The following CNTNAP2 variants were observed in gnomAD, a reference collection of about 807,000 sequenced individuals.
CNTNAP2 encodes the protein contactin-associated protein-like 2.
CNTNAP2 carries 98 observed loss-of-function variants against 155.2 expected under a neutral mutation model. That is an observed-to-expected ratio of 0.63 (90% CI 0.54 to 0.75). The LOEUF is 0.75. Among genes scored for constraint, CNTNAP2 ranks in the 30% least tolerant of loss-of-function variants. The pLI, the probability that CNTNAP2 is intolerant of heterozygous loss-of-function variation, is 0.00. For missense variants in CNTNAP2, 1,727 were observed against 1,688.1 expected (o/e 1.02, Z -0.40); for synonymous variants, 651 against 631.2 (o/e 1.03, Z -0.47).
intron 1 of CNTNAP2, among the ~76,000 whole-genome samples, chr7:146,327,444 C>A (rs991332691): frequency 6.6e-6 from 1 of 152,176 alleles, no homozygotes; most frequent in Non-Finnish European, 1.5e-5. Flanking sequence ...TTGATAAACA[C>A]AAATTCTCTT....
At chr7:146,152,483 T>G (rs1325913804) in intron 1 of CNTNAP2, among the ~76,000 whole-genome samples, 3 of 152,034 alleles carry the variant, frequency 2.0e-5, no homozygotes, top group Admixed American at 2.0e-4. Context: ...AACAATATAT[T>G]GCATTCTTGA....
intron 8 of CNTNAP2, among the ~76,000 whole-genome samples, chr7:147,221,805 A>C (rs1213067151): frequency 1.3e-5 from 2 of 152,158 alleles, no homozygotes; most frequent in Non-Finnish European, 2.9e-5. Flanking sequence ...TTCTTTGGCC[A>C]GACAAAGTCT....
chr7:146,321,089 C>T (rs1217201948), intron 1 of CNTNAP2, among the ~76,000 whole-genome samples: 2 of 151,858 alleles, frequency 1.3e-5, no homozygotes, highest in Non-Finnish European at 2.9e-5. Flanking sequence ...TATAAGGTAA[C>T]ATGATGTGAT....
chr7:148,089,179 C>G (rs187568552), intron 15 of CNTNAP2, among the ~76,000 whole-genome samples: 3 of 152,018 alleles, frequency 2.0e-5, no homozygotes, highest in Admixed American at 6.6e-5. Context: ...GCACATACAA[C>G]AAGCCCATAG....
intron 1 of CNTNAP2, among the ~76,000 whole-genome samples, chr7:146,569,118 G>A (rs948516220): frequency 2.0e-5 from 3 of 152,076 alleles, no homozygotes; most frequent in Admixed American, 1.3e-4. Flanking sequence ...CCGGGTTCAC[G>A]CCATTCTCCT....
chr7:146,900,937 A>G (rs948637537), intron 3 of CNTNAP2, among the ~76,000 whole-genome samples: 1 of 152,094 alleles, frequency 6.6e-6, no homozygotes, highest in African/African-American at 2.4e-5. Context: ...GAACAAATGA[A>G]TCCTCTGTCC....
At chr7:147,739,398 C>G (rs926202029) in intron 13 of CNTNAP2, among the ~76,000 whole-genome samples, 3 of 151,986 alleles carry the variant, frequency 2.0e-5, no homozygotes, top group African/African-American at 7.3e-5. Context: ...TTTCTAATAC[C>G]TTCCCCTCAT....
chr7:147,765,488 G>A (rs1197908782), intron 13 of CNTNAP2, among the ~76,000 whole-genome samples: 1 of 152,168 alleles, frequency 6.6e-6, no homozygotes, highest in Non-Finnish European at 1.5e-5. Flanking sequence ...AAAGCACTCA[G>A]TGTCATGAGT....
chr7:148,365,417 C>A (rs1183110219), intron 21 of CNTNAP2, among the ~76,000 whole-genome samples: 1 of 152,138 alleles, frequency 6.6e-6, no homozygotes, highest in Non-Finnish European at 1.5e-5. Context: ...GTAATCCCAG[C>A]ACTTTGGGAG....
intron 1 of CNTNAP2, 152 bp downstream of exon 1, chr7:146,117,125 CA>C: frequency 1.5e-6 from 1 of 664,156 alleles, no homozygotes; most frequent in Non-Finnish European, 2.7e-6. Context: ...CTGCAGTAGA[CA>C]AACTCGAAAC....
At chr7:147,663,278 A>G (rs56081512) in intron 13 of CNTNAP2, among the ~76,000 whole-genome samples, 30,385 of 152,200 alleles carry the variant, frequency 0.2, 3,415 homozygotes, top group Middle Eastern at 0.32. Flanking sequence ...TTACAGGCGT[A>G]AGCCACCGTG....
At chr7:147,801,640 G>A (rs1307617590) in intron 13 of CNTNAP2, among the ~76,000 whole-genome samples, 3 of 152,068 alleles carry the variant, frequency 2.0e-5, no homozygotes, top group African/African-American at 7.3e-5. Flanking sequence ...AGGGTTGGGG[G>A]TAAGGTCACC....
chr7:147,649,186 CTT>C (rs1190811942), intron 13 of CNTNAP2, among the ~76,000 whole-genome samples: 1 of 152,012 alleles, frequency 6.6e-6, no homozygotes, highest in Non-Finnish European at 1.5e-5. Context: ...TGAGGTGAGA[CTT>C]TGATTTTGTA....
chr7:147,303,433 G>T (rs1177739596), intron 9 of CNTNAP2, among the ~76,000 whole-genome samples: 1 of 152,176 alleles, frequency 6.6e-6, no homozygotes, highest in Non-Finnish European at 1.5e-5. Context: ...CTTACTTGTG[G>T]ATTCCTGATC....
At chr7:147,992,670 A>G (rs1355979540) in intron 15 of CNTNAP2, among the ~76,000 whole-genome samples, 1 of 152,224 alleles carries the variant, frequency 6.6e-6, no homozygotes, top group Non-Finnish European at 1.5e-5. Flanking sequence ...ATTAGTTGCT[A>G]GACCAACACT....
intron 1 of CNTNAP2, among the ~76,000 whole-genome samples, chr7:146,501,722 C>T (rs1306310956): frequency 1.3e-5 from 2 of 151,802 alleles, no homozygotes; most frequent in Non-Finnish European, 2.9e-5. Context: ...AGAGTGTTTG[C>T]AGATATAATT....
At chr7:147,392,180 C>T (rs1345525647) in intron 9 of CNTNAP2, among the ~76,000 whole-genome samples, 4 of 152,066 alleles carry the variant, frequency 2.6e-5, no homozygotes, top group South Asian at 4.1e-4. Flanking sequence ...TCTCACCTTC[C>T]TTTAAGTCAT....
At chr7:147,919,334 T>G (rs906040838) in intron 14 of CNTNAP2, among the ~76,000 whole-genome samples, 2 of 151,776 alleles carry the variant, frequency 1.3e-5, no homozygotes, top group South Asian at 2.1e-4. Context: ...CAAGCTAGAG[T>G]GCAGTGGCGC....
At chr7:146,866,157 T>G (rs1795200743) in intron 3 of CNTNAP2, among the ~76,000 whole-genome samples, 2 of 152,120 alleles carry the variant, frequency 1.3e-5, no homozygotes, top group African/African-American at 4.8e-5. Flanking sequence ...CTGTTTTACT[T>G]TTTGAAACAT....
Sources: allele counts gnomAD v4.1 joint callset (sites outside exome capture counted in the v4.1 genomes callset), GRCh38; gene constraint gnomAD v4.1.1; transcripts MANE v1.5; gene names NCBI Gene and HGNC (gene_info 2026-07-23, HGNC 2026-07-21).